The following PTPRQ variants were observed in gnomAD, a reference collection of about 807,000 sequenced individuals.
PTPRQ encodes the protein protein tyrosine phosphatase receptor type Q.
Under a neutral mutation model 246.0 loss-of-function variants are expected in PTPRQ, and 199 were observed. That is an observed-to-expected ratio of 0.81 (90% confidence interval 0.72 to 0.91). The LOEUF (loss-of-function observed/expected upper bound fraction) is 0.91. Ranked by LOEUF, PTPRQ falls within the 40% of genes least tolerant of loss-of-function variation. PTPRQ has a pLI of 0.00. For missense variants in PTPRQ, 2,624 were observed against 2,528.4 expected (o/e 1.04, Z -0.81); for synonymous variants, 869 against 853.2 (o/e 1.02, Z -0.32).
At chr12:80,639,550 A>G (rs1038063122) in intron 35 of PTPRQ, among the ~76,000 whole-genome samples, 6 of 152,224 alleles carry the variant, frequency 3.9e-5, no homozygotes, top group African/African-American at 1.4e-4. Context: ...CAATCTAATG[A>G]GTTGGAAAAA....
At chr12:80,491,639 A>C (rs10746169) in intron 9 of PTPRQ, among the ~76,000 whole-genome samples, 129,212 of 151,822 alleles carry the variant, frequency 0.85, 55,854 homozygotes, top group Non-Finnish European at 0.93. Context: ...ATTTGGAGGA[A>C]TGAAGATTTT....
At chr12:80,585,854 G>C (rs12581292) in intron 25 of PTPRQ, among the ~76,000 whole-genome samples, 1 of 148,650 alleles carries the variant, frequency 6.7e-6, no homozygotes, top group Non-Finnish European at 1.5e-5. Context: ...TCTAGCATTA[G>C]GTATATCTCC....
intron 17 of PTPRQ, among the ~76,000 whole-genome samples, chr12:80,519,478 G>C (rs937934816): frequency 6.6e-6 from 1 of 152,184 alleles, no homozygotes; most frequent in Non-Finnish European, 1.5e-5. Flanking sequence ...AGCCTTCAAA[G>C]TGGCCATCTC....
rs371690677 is a variant in PTPRQ, at chr12:80,549,554, A to G, written c.4105A>G (p.Ile1369Val). 220 of 1,551,252 alleles carry G rather than the reference A, an allele frequency of 1.4e-4. No homozygotes were observed. The African/African-American group carries it at 2.3e-3, about 16-fold the overall frequency. The part of the protein sequence containing the change: ...KWDPPKKANG[I>V]ITQYMVTVER... ...GGATCCACCCAAAAAGGCAAATGGA[A>G]TAATAACGCAGTATATGGTAACAGT... The change falls in exon 25 of 45, where the codon ATA becomes GTA. Residue 1369 changes from isoleucine (I) to valine (V), a missense_variant. Ile to Val is a conservative substitution (Grantham distance 29). Coordinates refer to ENST00000644991, the MANE Select transcript of PTPRQ (RefSeq NM_001145026.2).
intron 43 of PTPRQ, among the ~76,000 whole-genome samples, chr12:80,677,623 G>C (rs1028504512): frequency 1.3e-5 from 2 of 152,178 alleles, no homozygotes; most frequent in African/African-American, 4.8e-5. Flanking sequence ...TTCCAGTAAT[G>C]AGATGTTCTT....
chr12:80,626,475 T>C (rs1899204391), intron 33 of PTPRQ, among the ~76,000 whole-genome samples: 1 of 152,208 alleles, frequency 6.6e-6, no homozygotes, highest in Non-Finnish European at 1.5e-5. Context: ...ATTGTTTATG[T>C]ACCAAGTCTT....
At chr12:80,593,354 TTAAC>T (rs1207791962) in intron 26 of PTPRQ, among the ~76,000 whole-genome samples, 2 of 152,190 alleles carry the variant, frequency 1.3e-5, no homozygotes, top group East Asian at 3.9e-4. Context: ...CATGTTATCA[TTAAC>T]TATCTGAGCC....
Position 80,542,295 on chromosome 12 carries a change from T to G in PTPRQ, c.3652T>G (p.Phe1218Val). Residue 1218 changes from phenylalanine to valine, a missense_variant, in exon 22 of 45, where the codon TTT becomes GTT. Transcript: ENST00000644991. ...ELSPFTLYSF[F>V]AAARTRKGLG... is the part of the protein sequence containing the mutation. The stretch of plus-strand genomic sequence containing the variant: ...TTCACCATTTACATTATATAGCTTT[T>G]TTGCTGCCGCAAGAACTAGAAAAGG... 6.5e-7 allele frequency: 1 copy of G among 1,549,956 alleles called. No homozygotes were observed. Among genetic ancestry groups the G allele is most frequent in the Non-Finnish European group, 8.7e-7 (1 of 1,146,404 alleles).
Position 80,635,072 on chromosome 12 carries a change from C to T in PTPRQ, c.5914C>T (p.Arg1972Trp), listed in dbSNP as rs374461334. The T allele has an allele frequency of 3.2e-5, 49 of 1,550,574 alleles. No homozygotes were observed. Among genetic ancestry groups the T allele is most frequent in the Non-Finnish European group, 4.0e-5 (46 of 1,146,492 alleles). ...GGAACTGAAGGACGAGAGATTAACG[C>T]GGTGAGCACACTCCTCTGGGTGAAC... ...DLELKDERLT[R>W]LLSYRKSIKP... is the part of the protein sequence containing the mutation. The change falls in exon 35 of 45, where the codon CGG (arginine) becomes TGG (tryptophan). Residue 1972 changes from arginine (R) to tryptophan (W), a missense_variant and splice_region_variant. Arg to Trp is a moderately radical substitution (Grantham distance 101). Coordinates refer to ENST00000644991, the MANE Select transcript of PTPRQ (RefSeq NM_001145026.2).
At chr12:80,674,288 T>G (rs1387371636) in intron 43 of PTPRQ, among the ~76,000 whole-genome samples, 21 of 152,088 alleles carry the variant, frequency 1.4e-4, no homozygotes. Flanking sequence ...AGTTAAACAT[T>G]TCAGAAAAAG....
rs75378916 is a variant in PTPRQ at position 80,591,743 on chromosome 12, C to A, written c.4609+3291C>A. On this transcript the variant is annotated intron_variant, in intron 26 of 44. Transcript: ENST00000644991. Reference sequence around the variant, plus strand: ...AGAACAAAACCAAATACATCAGTAGCCTAGATCTGGCTTGTGGACAGCTGA... The same window carrying A: ...AGAACAAAACCAAATACATCAGTAGACTAGATCTGGCTTGTGGACAGCTGA... Among the ~76,000 whole-genome samples the A allele has an allele frequency of 6.6e-3, 1,001 of 152,162 alleles. 12 individuals are homozygous for A. Among genetic ancestry groups the A allele is most frequent in the African/African-American group, 0.023 (940 of 41,506 alleles).
chr12:80,668,540 G>C (rs1227651924), intron 39 of PTPRQ, among the ~76,000 whole-genome samples: 2 of 151,812 alleles, frequency 1.3e-5, no homozygotes, highest in African/African-American at 2.4e-5. Context: ...TGGGTTTAGA[G>C]AGCTGGTTCT....
At chr12:80,469,847 G>A (rs7968678) in intron 7 of PTPRQ, among the ~76,000 whole-genome samples, 2 of 152,134 alleles carry the variant, frequency 1.3e-5, no homozygotes, top group Non-Finnish European at 2.9e-5. Flanking sequence ...CATTTGTAAG[G>A]CTGGCTGATA....
chr12:80,608,738 T>A (rs1898431299), intron 27 of PTPRQ, among the ~76,000 whole-genome samples: 1 of 150,290 alleles, frequency 6.7e-6, no homozygotes, highest in Admixed American at 6.7e-5. Context: ...AAAATCAGAA[T>A]TCAAATAGCT....
chr12:80,678,733 G>T lies in PTPRQ; in HGVS notation c.6862+8G>T. 6.5e-7 allele frequency: 1 copy of T among 1,547,042 alleles called. No individual in the cohort carries two copies. Among genetic ancestry groups the T allele is most frequent in the Non-Finnish European group, 8.7e-7 (1 of 1,144,766 alleles). On this transcript the variant is annotated splice_region_variant and intron_variant, in intron 44 of 44. Transcript: ENST00000644991. ...CTTTGGACGCCATGGAAGGTAAACA[G>T]AAACAACAGTATATGCCCAGCTTAC...
chr12:80,626,324 T>TA (rs1414882966), intron 33 of PTPRQ, among the ~76,000 whole-genome samples: 1 of 152,200 alleles, frequency 6.6e-6, no homozygotes, highest in Non-Finnish European at 1.5e-5. Flanking sequence ...GTTAGTTACT[T>TA]AAAAAATTAT....
intron 44 of PTPRQ, 81 bp from the exon 45 acceptor site, chr12:80,678,905 A>C (rs146205487): frequency 6.8e-7 from 1 of 1,478,886 alleles, no homozygotes. Context: ...TTCTGTCTAC[A>C]TTATATTTTT....
intron 35 of PTPRQ, among the ~76,000 whole-genome samples, chr12:80,635,508 T>C (rs1899612535): frequency 6.6e-6 from 1 of 152,120 alleles, no homozygotes; most frequent in African/African-American, 2.4e-5. Flanking sequence ...ACTATTTCAG[T>C]ATAAAAGTAC....
chr12:80,604,250 G>A (rs1898237162), intron 26 of PTPRQ, among the ~76,000 whole-genome samples: 1 of 151,522 alleles, frequency 6.6e-6, no homozygotes, highest in Admixed American at 6.6e-5. Context: ...GGAGGACAGA[G>A]GTGTGTGCAG....
Sources: allele counts gnomAD v4.1 joint callset (sites outside exome capture counted in the v4.1 genomes callset), GRCh38; gene constraint gnomAD v4.1.1; transcripts MANE v1.5; gene names NCBI Gene and HGNC (gene_info 2026-07-23, HGNC 2026-07-21).